DLEC1: variants seen among roughly 807,000 people sequenced by gnomAD.
DLEC1 encodes DLEC1 cilia and flagella associated protein, also known as deleted in lung and esophageal cancer protein 1.
DLEC1 carries 146 observed loss-of-function variants against 198.1 expected under a neutral mutation model. That is an observed-to-expected ratio of 0.74 (90% confidence interval 0.64 to 0.85). DLEC1 has a LOEUF of 0.85. Ranked by LOEUF, DLEC1 falls within the 40% of genes least tolerant of loss-of-function variation. DLEC1 has a pLI of 0.00. For synonymous variants in DLEC1, 897 were observed against 866.8 expected (o/e 1.03, Z -0.61); for missense variants, 2,233 against 2,220.0 (o/e 1.01, Z -0.12).
chr3:38,083,619 C>A (rs933458775), intron 6 of DLEC1, among the ~76,000 whole-genome samples: 2 of 151,948 alleles, frequency 1.3e-5, no homozygotes, highest in African/African-American at 4.8e-5. Context: ...TAAGGTGGGG[C>A]AGGGCATTTT....
In DLEC1 at chr3:38,096,742, G is replaced by A; in HGVS notation, c.2340+5G>A. On this transcript the variant is annotated splice_donor_5th_base_variant and intron_variant, in intron 15 of 36. Coordinates refer to ENST00000308059, the MANE Select transcript of DLEC1 (RefSeq NM_007335.4). ...AATGTGAAGAAGGCTTTTAAGGTAG[G>A]TCATTGTCTCTCCCCTGCCTAGGCT... The A allele has an allele frequency of 1.9e-6, 3 of 1,601,810 alleles. No homozygotes were observed. Among genetic ancestry groups the A allele is most frequent in the Non-Finnish European group, 2.6e-6 (3 of 1,173,662 alleles).
intron 9 of DLEC1, 116 bp downstream of exon 9, chr3:38,086,493 G>T: frequency 7.3e-7 from 1 of 1,365,396 alleles, no homozygotes; most frequent in Non-Finnish European, 9.9e-7. Flanking sequence ...GCAGAGTGTT[G>T]TAAACTCTCT....
At position 38,095,090 on chromosome 3, in the gene DLEC1, C is replaced by T. The variant is rs754018983; in HGVS notation, c.2112+19C>T. 1.2e-6 allele frequency: 2 copies of T among 1,613,148 alleles called. No homozygotes were observed. The highest frequency in any genetic ancestry group is 1.7e-4 in the Middle Eastern group (1 of 6,060). Reference sequence around the variant, plus strand: ...TCATGAGGTTCAGATGGTGTCATCTCAGTAGCCACACATGGTTGGATCATG... The same window carrying T: ...TCATGAGGTTCAGATGGTGTCATCTTAGTAGCCACACATGGTTGGATCATG... On this transcript the variant is annotated intron_variant, in intron 13 of 36. Transcript: ENST00000308059.
chr3:38,122,879 C>G lies in DLEC1; in HGVS notation c.*467C>G. 1 of 801,700 alleles carries G rather than the reference C, an allele frequency of 1.2e-6. No homozygotes were observed. The highest frequency in any genetic ancestry group is 2.0e-6 in the Non-Finnish European group (1 of 508,138). The allele number at this position is 801,700 out of a possible 1,614,324, so 49.7% of individuals were successfully genotyped here. ...CTCAACACCCCACCCACTCCTATACCATGTCATCAGTGTTCACATTTTCCA... is the reference window on the plus strand; with the variant it reads ...CTCAACACCCCACCCACTCCTATACGATGTCATCAGTGTTCACATTTTCCA... On this transcript the variant is annotated 3_prime_UTR_variant, in exon 37 of 37. Coordinates refer to ENST00000308059, the MANE Select transcript of DLEC1 (RefSeq NM_007335.4).
chr3:38,060,181 G>A (rs527466888), intron 3 of DLEC1, among the ~76,000 whole-genome samples: 2 of 152,336 alleles, frequency 1.3e-5, no homozygotes, highest in African/African-American at 2.4e-5. Flanking sequence ...AAGCAAGGGA[G>A]CGTGTACCTG....
intron 9 of DLEC1, among the ~76,000 whole-genome samples, chr3:38,086,994 A>G (rs1039728236): frequency 1.3e-5 from 2 of 151,950 alleles, no homozygotes; most frequent in African/African-American, 4.8e-5. Context: ...GAATCACTTG[A>G]ACCCGGGAGG....
intron 2 of DLEC1, among the ~76,000 whole-genome samples, chr3:38,058,423 C>T (rs1575398984): frequency 1.3e-5 from 2 of 152,194 alleles, no homozygotes; most frequent in East Asian, 1.9e-4. Context: ...AGGCCAGCAC[C>T]GATGCAGGCG....
At position 38,096,070 on chromosome 3, in the gene DLEC1, G is replaced by A. The variant is rs1699001855; in HGVS notation, c.2171+124G>A. On this transcript the variant is annotated intron_variant, in intron 14 of 36. Coordinates refer to ENST00000308059, the MANE Select transcript of DLEC1 (RefSeq NM_007335.4). Reference sequence around the variant, plus strand: ...GCCTGGTCCCCGCAGGCTTTGGGGAGTGAGAGCATTTTTTTTGCCTTGCCC... The same window carrying A: ...GCCTGGTCCCCGCAGGCTTTGGGGAATGAGAGCATTTTTTTTGCCTTGCCC... 18 of 1,176,348 alleles carry A rather than the reference G, an allele frequency of 1.5e-5. No individual in the cohort carries two copies. In the South Asian group the frequency reaches 2.3e-4, roughly 15 times the overall value. The allele number at this position is 1,176,348 out of a possible 1,614,324, so 72.9% of individuals were successfully genotyped here.
intron 6 of DLEC1, among the ~76,000 whole-genome samples, chr3:38,078,452 A>T (rs1697761476): frequency 1.3e-5 from 2 of 152,162 alleles, no homozygotes; most frequent in African/African-American, 4.8e-5. Flanking sequence ...TGTGTAAGAA[A>T]TCCGACTGCA....
Position 38,122,827 on chromosome 3 carries a change from C to A in DLEC1, c.*415C>A. 1.2e-6 allele frequency: 1 copy of A among 853,160 alleles called. No individual in the cohort carries two copies. Among genetic ancestry groups the A allele is most frequent in the Non-Finnish European group, 1.7e-6 (1 of 572,942 alleles). 52.8% of individuals were successfully genotyped at this position (853,160 alleles called of 1,614,324 possible). Reference sequence around the variant, plus strand: ...GGTGACCCAGGCTGCTTTTATCTTGCACAGCTAAAGAGGGTCTGATGGGTG... The same window carrying A: ...GGTGACCCAGGCTGCTTTTATCTTGAACAGCTAAAGAGGGTCTGATGGGTG... On this transcript the variant is annotated 3_prime_UTR_variant, in exon 37 of 37. Transcript: ENST00000308059.
chr3:38,045,853 C>T (rs1351393909), intron 2 of DLEC1, among the ~76,000 whole-genome samples, 160 bp downstream of exon 2: 1 of 152,134 alleles, frequency 6.6e-6, no homozygotes, highest in Non-Finnish European at 1.5e-5. Flanking sequence ...ATTTCATTAC[C>T]ACAAAACACT....
chr3:38,041,974 A>G (rs1034173948), intron 1 of DLEC1, among the ~76,000 whole-genome samples: 2 of 152,068 alleles, frequency 1.3e-5, no homozygotes, highest in Non-Finnish European at 2.9e-5. Flanking sequence ...CATTGTAGAC[A>G]AACACAGCTG....
chr3:38,096,021 G>T (rs1698997686), intron 14 of DLEC1, 75 bp downstream of exon 14: 1 of 1,576,502 alleles, frequency 6.3e-7, no homozygotes, highest in Non-Finnish European at 8.7e-7. Flanking sequence ...CCTGGGGAAG[G>T]TATCAGGTGA....
chr3:38,062,276 G>T lies in DLEC1; in HGVS notation c.781G>T (p.Ala261Ser), dbSNP rs889007660. Residue 261 changes from alanine to serine, a missense_variant, in exon 4 of 37, where the codon GCT becomes TCT. Transcript: ENST00000308059. The stretch of plus-strand genomic sequence containing the variant: ...TGAAGATTCATGCAGGAAGAAGCTT[G>T]CTGAGTTCGAAGATGAGTTAGACCA... ...KLEDSCRKKL[A>S]EFEDELDHTV... 3.7e-6 allele frequency: 6 copies of T among 1,614,224 alleles called. No individual in the cohort carries two copies. The highest frequency in any genetic ancestry group is 5.1e-6 in the Non-Finnish European group (6 of 1,180,052).
chr3:38,099,444 ACAG>A (rs1306836569), intron 18 of DLEC1, among the ~76,000 whole-genome samples: 1 of 152,138 alleles, frequency 6.6e-6, no homozygotes, highest in Non-Finnish European at 1.5e-5. Context: ...TTCCCTCTCT[ACAG>A]TTCTCTGCAC....
At chr3:38,116,380 T>TGAG in intron 27 of DLEC1, 73 bp from the exon 28 acceptor site, 1 of 1,472,876 alleles carries the variant, frequency 6.8e-7, no homozygotes, top group South Asian at 1.2e-5. Flanking sequence ...TCTGGGGGTA[T>TGAG]GAGGAGGAGG....
At chr3:38,047,306 G>T (rs958001414) in intron 2 of DLEC1, among the ~76,000 whole-genome samples, 8 of 152,020 alleles carry the variant, frequency 5.3e-5, no homozygotes, top group Non-Finnish European at 1.2e-4. Context: ...ATTAATTATG[G>T]TATATCCACA....
At position 38,109,537 on chromosome 3, in the gene DLEC1, A is replaced by G. The variant is rs1391234965; in HGVS notation, c.3235A>G (p.Ile1079Val). Residue 1079 changes from isoleucine to valine, a missense_variant, in exon 22 of 37, where the codon ATC (isoleucine) becomes GTC (valine). Ile to Val is a conservative substitution (Grantham distance 29, BLOSUM62 3). Coordinates refer to ENST00000308059, the MANE Select transcript of DLEC1 (RefSeq NM_007335.4). ...CCAGGGACTGCAAGTGGCCATTACC[A>G]TCTCTAAGGAGAGCTCTGATTGCAG... ...KPQGLQVAIT[I>V]SKESSDCSTE... 1 of 1,614,010 alleles carries G rather than the reference A, an allele frequency of 6.2e-7. No individual in the cohort carries two copies. Among genetic ancestry groups the G allele is most frequent in the Admixed American group, 1.7e-5 (1 of 60,006 alleles).
intron 13 of DLEC1, chr3:38,095,624 G>C: frequency 2.0e-6 from 1 of 490,308 alleles, no homozygotes; most frequent in East Asian, 3.6e-5. Context: ...ACACGTTGAG[G>C]GGCTTTGTCA....
Sources: allele counts gnomAD v4.1 joint callset (sites outside exome capture counted in the v4.1 genomes callset), GRCh38; gene constraint gnomAD v4.1.1; transcripts MANE v1.5; gene names NCBI Gene and HGNC (gene_info 2026-07-23, HGNC 2026-07-21).